The following STARD6 variants were observed in gnomAD, a reference collection of about 807,000 sequenced individuals.
STARD6 encodes the protein stAR-related lipid transfer protein 6.
In STARD6, 21 loss-of-function variants were observed where a neutral mutation model predicts 22.3. The ratio of observed to expected loss-of-function variants is 0.94; its 90% confidence interval spans 0.67 to 1.35. The LOEUF (loss-of-function observed/expected upper bound fraction) is 1.35. Among genes scored for constraint, STARD6 ranks in the 40% most tolerant of loss-of-function variants. STARD6 has a pLI of 0.00. For synonymous variants in STARD6, 80 were observed against 88.1 expected (o/e 0.91, Z 0.52); for missense variants, 269 against 266.9 (o/e 1.01, Z -0.05).
At chr18:54,347,356 T>C (rs2089046566) in intron 4 of STARD6, among the ~76,000 whole-genome samples, 1 of 152,122 alleles carries the variant, frequency 6.6e-6, no homozygotes, top group Non-Finnish European at 1.5e-5. Context: ...ATATATTTCC[T>C]AATTTCCTGC....
At chr18:54,345,820 A>G (rs953398966) in intron 4 of STARD6, among the ~76,000 whole-genome samples, 2 of 152,176 alleles carry the variant, frequency 1.3e-5, no homozygotes, top group Middle Eastern at 3.2e-3. Context: ...AGCCCAGACA[A>G]TGTAATGGGG....
At chr18:54,355,894 T>C (rs1197773606) in intron 2 of STARD6, 1 of 152,204 alleles carries the variant, frequency 6.6e-6, no homozygotes, top group Non-Finnish European at 1.5e-5. Context: ...AATCCTGACT[T>C]TGTCACTTAG....
rs879676595 is a variant in STARD6 at position 54,335,166 on chromosome 18, G to GGTTA, written c.267+1955_267+1958dup. Among the ~76,000 whole-genome samples, 427 of 139,174 alleles carry GGTTA rather than the reference G, an allele frequency of 3.1e-3. 1 individual carries two copies. The highest frequency in any genetic ancestry group is 0.011 in the Middle Eastern group (3 of 266). 91.3% of individuals were successfully genotyped at this position (139,174 alleles called of 152,430 possible). ...GAATCATCCCCCCATCCCTCCAGGT[G>GGTTA]GTTATTTATTTATTTATTTATTTAT... On this transcript the variant is annotated intron_variant, in intron 5 of 7. Coordinates refer to ENST00000307844, the MANE Select transcript of STARD6 (RefSeq NM_139171.2).
intron 7 of STARD6, among the ~76,000 whole-genome samples, chr18:54,325,799 T>C (rs1365754623): frequency 6.6e-6 from 1 of 152,116 alleles, no homozygotes; most frequent in Non-Finnish European, 1.5e-5. Context: ...ATCCTCCCAC[T>C]TCGGCCTCCC....
chr18:54,338,207 C>T (rs2088934628), intron 4 of STARD6, among the ~76,000 whole-genome samples: 2 of 152,150 alleles, frequency 1.3e-5, no homozygotes, highest in Admixed American at 6.5e-5. Context: ...ATAAAATATA[C>T]TCATAGCTGG....
intron 7 of STARD6, among the ~76,000 whole-genome samples, chr18:54,327,292 A>G (rs1438981113): frequency 1.3e-5 from 2 of 152,232 alleles, no homozygotes; most frequent in Admixed American, 1.3e-4. Context: ...GAAGGCATAT[A>G]TATATTTTTA....
chr18:54,354,364 G>A (rs1568175598), intron 3 of STARD6, 120 bp downstream of exon 3: 2 of 834,684 alleles, frequency 2.4e-6, no homozygotes, highest in South Asian at 1.8e-5. Context: ...GAGTAGCTGG[G>A]ACTATAGGTG....
intron 4 of STARD6, among the ~76,000 whole-genome samples, chr18:54,341,338 C>A (rs1428409950): frequency 6.6e-6 from 1 of 152,118 alleles, no homozygotes; most frequent in African/African-American, 2.4e-5. Flanking sequence ...GGATTACAGG[C>A]GTGAGCCACC....
chr18:54,325,723 A>T (rs539455985), intron 7 of STARD6, among the ~76,000 whole-genome samples: 32 of 151,952 alleles, frequency 2.1e-4, no homozygotes, highest in African/African-American at 7.5e-4. Context: ...AGATTTTAAA[A>T]TTTTTTTAAA....
chr18:54,335,842 T>C (rs530974898), intron 5 of STARD6, among the ~76,000 whole-genome samples: 15 of 152,300 alleles, frequency 9.8e-5, no homozygotes, highest in African/African-American at 3.4e-4. Context: ...CTTCACCTTC[T>C]GCCATGACTG....
intron 6 of STARD6, 83 bp downstream of exon 6, chr18:54,331,659 T>C: frequency 1.1e-6 from 1 of 892,786 alleles, no homozygotes; most frequent in Non-Finnish European, 1.7e-6. Context: ...AAAATATAAT[T>C]TCTTTGAAGC....
chr18:54,346,247 G>C (rs2089032903), intron 4 of STARD6, among the ~76,000 whole-genome samples: 1 of 152,062 alleles, frequency 6.6e-6, no homozygotes, highest in Non-Finnish European at 1.5e-5. Flanking sequence ...TTTTAAAAAA[G>C]AGTTTGGATA....
At chr18:54,353,896 T>C in intron 4 of STARD6, 158 bp downstream of exon 4, 2 of 454,932 alleles carry the variant, frequency 4.4e-6, no homozygotes, top group Non-Finnish European at 7.8e-6. Flanking sequence ...ATCTGATTGC[T>C]GTATTTTATT....
At position 54,351,899 on chromosome 18, in the gene STARD6, G is replaced by GT. The variant is rs60888927; in HGVS notation, c.140+2154dup. Among the ~76,000 whole-genome samples the GT allele has an allele frequency of 8.3e-3, 587 of 70,628 alleles. 8 individuals are homozygous for GT. Among genetic ancestry groups the GT allele is most frequent in the Middle Eastern group, 0.021 (2 of 96 alleles). The allele number at this position is 70,628 out of a possible 152,430, so 46.3% of individuals were successfully genotyped here. On this transcript the variant is annotated intron_variant, in intron 4 of 7. Transcript: ENST00000307844. ...TTGTGTTAATCAGGGATATTGGTCCGTTTTTTTTTTTTTTTTTTTTTTAAT... is the reference window on the plus strand; with the variant it reads ...TTGTGTTAATCAGGGATATTGGTCCGTTTTTTTTTTTTTTTTTTTTTTTAAT...
intron 4 of STARD6, among the ~76,000 whole-genome samples, chr18:54,350,075 G>A (rs1037649669): frequency 2.0e-5 from 3 of 152,116 alleles, no homozygotes; most frequent in African/African-American, 7.2e-5. Flanking sequence ...TTTCCATAGT[G>A]GTTGTACTGA....
chr18:54,325,660 G>A (rs1249430949), intron 7 of STARD6, among the ~76,000 whole-genome samples: 2 of 151,886 alleles, frequency 1.3e-5, no homozygotes, highest in African/African-American at 4.8e-5. Context: ...CGATTCTCCA[G>A]CCTCAGTCTT....
At chr18:54,336,701 C>T (rs553041802) in intron 5 of STARD6, among the ~76,000 whole-genome samples, 1 of 152,284 alleles carries the variant, frequency 6.6e-6, no homozygotes, top group African/African-American at 2.4e-5. Context: ...CCCTCTCTCT[C>T]CTGCTCTGCC....
chr18:54,328,340 T>C (rs2088840518), intron 7 of STARD6, among the ~76,000 whole-genome samples: 1 of 152,216 alleles, frequency 6.6e-6, no homozygotes. Context: ...TGAAGCACAC[T>C]TTAAGCTGTG....
chr18:54,357,661 A>T (rs1165132126), intron 1 of STARD6, 131 bp downstream of exon 1: 1 of 152,284 alleles, frequency 6.6e-6, no homozygotes, highest in African/African-American at 2.4e-5. Context: ...GGCTGAAGGG[A>T]GATCAGCAAG....
Sources: allele counts gnomAD v4.1 joint callset (sites outside exome capture counted in the v4.1 genomes callset), GRCh38; gene constraint gnomAD v4.1.1; transcripts MANE v1.5; gene names NCBI Gene and HGNC (gene_info 2026-07-23, HGNC 2026-07-21).